GPRC6A: variants seen among roughly 807,000 people sequenced by gnomAD.
GPRC6A encodes the protein G protein-coupled receptor family C group 6 member A.
Under a neutral mutation model 47.0 loss-of-function variants are expected in GPRC6A, and 54 were observed. That is an observed-to-expected ratio of 1.15 (90% CI 0.92 to 1.44). The LOEUF (loss-of-function observed/expected upper bound fraction) is 1.44, where lower values mean the gene tolerates loss of function less well. GPRC6A is among the 40% of genes most tolerant of loss of function. The pLI is 0.00. For synonymous variants in GPRC6A, 347 were observed against 377.1 expected (o/e 0.92, Z 0.93); for missense variants, 1,112 against 1,105.5 (o/e 1.01, Z -0.08).
At chr6:116,818,874 A>C (rs575179337) in intron 1 of GPRC6A, among the ~76,000 whole-genome samples, 1 of 152,166 alleles carries the variant, frequency 6.6e-6, no homozygotes. Flanking sequence ...CTTTAAATGT[A>C]AATGGACTAA....
At position 116,807,034 on chromosome 6, in the gene GPRC6A, G is replaced by C; in HGVS notation, c.671C>G (p.Ala224Gly). 6.2e-7 allele frequency: 1 copy of C among 1,613,766 alleles called. No homozygotes were observed. Among genetic ancestry groups the C allele is most frequent in the Non-Finnish European group, 8.5e-7 (1 of 1,179,800 alleles). ...AGCCTGAATTATAAAAGTGTTAAGA[G>C]CCAATCGTCCATAGTCATCATCTGT... ...ITTDDDYGRLALNTFIIQAEA... is the reference protein window; with the variant it reads ...ITTDDDYGRLGLNTFIIQAEA... The change falls in exon 3 of 6, where the codon GCT (alanine) becomes GGT (glycine). Residue 224 changes from alanine to glycine, a missense_variant. Ala to Gly is a moderately conservative substitution (Grantham distance 60). Coordinates refer to ENST00000310357, the MANE Select transcript of GPRC6A (RefSeq NM_148963.4).
At chr6:116,802,731 C>T (rs1022815476) in intron 3 of GPRC6A, among the ~76,000 whole-genome samples, 6 of 152,046 alleles carry the variant, frequency 3.9e-5, no homozygotes, top group Non-Finnish European at 7.4e-5. Flanking sequence ...TGAATCACCA[C>T]GGGACAGGTC....
At chr6:116,810,782 A>G (rs1263773553) in intron 1 of GPRC6A, among the ~76,000 whole-genome samples, 1 of 151,906 alleles carries the variant, frequency 6.6e-6, no homozygotes, top group African/African-American at 2.4e-5. Context: ...TAATTTTAAC[A>G]TTACAATTTC....
In GPRC6A at chr6:116,795,798, C is replaced by T. The variant is rs372316877; in HGVS notation, c.1586G>A (p.Gly529Glu). Reference sequence around the variant, plus strand: ...ACTTCTTGTAGTTTTCTTCATTTGCCCAGGACTGCATTCCTTGGAGCATTT... The same window carrying T: ...ACTTCTTGTAGTTTTCTTCATTTGCTCAGGACTGCATTCCTTGGAGCATTT... ...QSKCSKECSP[G>E]QMKKTTRSQH... is the part of the protein sequence containing the mutation. The change falls in exon 5 of 6, where the codon GGG becomes GAG. Residue 529 changes from glycine to glutamate, a missense_variant. Gly to Glu is a moderately conservative substitution (Grantham distance 98). Coordinates refer to ENST00000310357, the MANE Select transcript of GPRC6A (RefSeq NM_148963.4). 29 of 1,607,358 alleles carry T rather than the reference C, an allele frequency of 1.8e-5. No homozygotes were observed. The highest frequency in any genetic ancestry group is 1.6e-4 in the Middle Eastern group (1 of 6,068).
chr6:116,796,244 A>G (rs567646928), intron 4 of GPRC6A, among the ~76,000 whole-genome samples: 16 of 152,220 alleles, frequency 1.1e-4, no homozygotes, highest in African/African-American at 2.6e-4. Flanking sequence ...AGTTTTTATC[A>G]TGCTGTCAAG....
chr6:116,807,719 T>A (rs1772900575), intron 2 of GPRC6A, among the ~76,000 whole-genome samples: 1 of 152,172 alleles, frequency 6.6e-6, no homozygotes, highest in Non-Finnish European at 1.5e-5. Context: ...TCATATATAG[T>A]CTCTGTCATA....
At position 116,806,415 on chromosome 6, in the gene GPRC6A, A is replaced by T. The variant is rs1400853547; in HGVS notation, c.1290T>A (p.Cys430Ter). Residue 430 changes from cysteine to a stop codon, truncating the protein, a stop_gained, in exon 3 of 6, where the codon TGT (cysteine) becomes TGA (stop). Transcript: ENST00000310357. LOFTEE classifies it high-confidence loss of function. ...TGGGGTTCTGACAGTCACGAGCTTG[A>T]CACAGATCCCGAATGGCATAACCAA... ...FALGYAIRDL[C>*]QARDCQNPNA... is the part of the protein sequence containing the mutation. 6.2e-7 allele frequency: 1 copy of T among 1,613,286 alleles called. No individual in the cohort carries two copies. The highest frequency in any genetic ancestry group is 2.2e-5 in the East Asian group (1 of 44,864).
intron 1 of GPRC6A, among the ~76,000 whole-genome samples, chr6:116,819,405 AT>A (rs1301830022): frequency 3.3e-5 from 5 of 151,278 alleles, no homozygotes; most frequent in East Asian, 3.9e-4. Context: ...CAGAATATAC[AT>A]TTTTTTCAGC....
intron 1 of GPRC6A, among the ~76,000 whole-genome samples, chr6:116,824,587 T>C (rs901877340): frequency 2.0e-5 from 3 of 151,816 alleles, no homozygotes; most frequent in African/African-American, 4.8e-5. Context: ...AATAGCAAGA[T>C]TAAATCAGTA....
chr6:116,809,739 G>T, intron 1 of GPRC6A, 122 bp from the exon 2 acceptor site: 1 of 620,448 alleles, frequency 1.6e-6, no homozygotes, highest in Non-Finnish European at 2.8e-6. Flanking sequence ...TCTCTTAAAT[G>T]ATCTAAATTT....
chr6:116,825,815 T>C (rs1243567651), intron 1 of GPRC6A, among the ~76,000 whole-genome samples: 1 of 151,932 alleles, frequency 6.6e-6, no homozygotes, highest in East Asian at 1.9e-4. Context: ...ATCACAAGGT[T>C]ATAGTAACCA....
intron 1 of GPRC6A, among the ~76,000 whole-genome samples, chr6:116,821,653 C>A (rs1389992173): frequency 6.6e-6 from 1 of 151,930 alleles, no homozygotes; most frequent in South Asian, 2.1e-4. Context: ...AACTGGCTAG[C>A]CATATGTAGA....
chr6:116,828,712 T>A, intron 1 of GPRC6A, 108 bp downstream of exon 1: 2 of 905,482 alleles, frequency 2.2e-6, no homozygotes, highest in Admixed American at 2.9e-5. Flanking sequence ...AAAATACATA[T>A]GAGTTTATTT....
intron 5 of GPRC6A, among the ~76,000 whole-genome samples, chr6:116,794,139 A>G (rs1314416925): frequency 6.6e-6 from 1 of 152,198 alleles, no homozygotes; most frequent in Non-Finnish European, 1.5e-5. Context: ...GCTGCAATCA[A>G]AGGGCCTCTG....
intron 1 of GPRC6A, 46 bp downstream of exon 1, chr6:116,828,774 T>C (rs576378800): frequency 5.9e-6 from 9 of 1,531,246 alleles, no homozygotes; most frequent in Admixed American, 1.8e-5. Context: ...TGTCCTAGTC[T>C]CATGACAATC....
chr6:116,813,556 T>G (rs1434023824), intron 1 of GPRC6A, among the ~76,000 whole-genome samples: 1 of 152,160 alleles, frequency 6.6e-6, no homozygotes, highest in Non-Finnish European at 1.5e-5. Context: ...GCTAGCCATA[T>G]GCAGAAAGCT....
In GPRC6A at chr6:116,792,183, C is replaced by G; in HGVS notation, c.2740G>C (p.Val914Leu). The change falls in exon 6 of 6, where the codon GTA (valine) becomes CTA (leucine). Residue 914 changes from valine to leucine, a missense_variant. By Grantham distance (32) the Val-to-Leu change is conservative. Coordinates refer to ENST00000310357, the MANE Select transcript of GPRC6A (RefSeq NM_148963.4). The part of the protein sequence containing the change: ...AHICRENATS[V>L]SKTLPRKRMS... Reference sequence around the variant, plus strand: ...CTTTTTCGAGGCAAAGTTTTAGATACACTTGTGGCATTTTCCCTGCATATG... The same window carrying G: ...CTTTTTCGAGGCAAAGTTTTAGATAGACTTGTGGCATTTTCCCTGCATATG... 6.2e-7 allele frequency: 1 copy of G among 1,613,830 alleles called. No homozygotes were observed. The highest frequency in any genetic ancestry group is 8.5e-7 in the Non-Finnish European group (1 of 1,179,834).
chr6:116,826,886 TATC>T (rs1464496883), intron 1 of GPRC6A, among the ~76,000 whole-genome samples: 1 of 151,930 alleles, frequency 6.6e-6, no homozygotes, highest in Non-Finnish European at 1.5e-5. Context: ...AATAAAATCA[TATC>T]ATTTGCAGCA....
At chr6:116,827,512 CAATT>C (rs1461753149) in intron 1 of GPRC6A, among the ~76,000 whole-genome samples, 10 of 151,874 alleles carry the variant, frequency 6.6e-5, no homozygotes, top group Non-Finnish European at 1.3e-4. Flanking sequence ...GTAAGGTAGG[CAATT>C]AATAAGTAGT....
Sources: gnomAD v4.1 joint callset for allele counts (sites outside exome capture counted in the v4.1 genomes callset) on GRCh38, gnomAD v4.1.1 for gene constraint, MANE v1.5 for transcripts, NCBI Gene and HGNC (gene_info 2026-07-23, HGNC 2026-07-21) for gene names.